KCNIP4: variants seen among roughly 807,000 people sequenced by gnomAD.
KCNIP4 encodes potassium voltage-gated channel interacting protein 4.
Under a neutral mutation model 34.0 loss-of-function variants are expected in KCNIP4, and 12 were observed. That is an observed-to-expected ratio of 0.35 (90% CI 0.23 to 0.57). KCNIP4 has a LOEUF of 0.57. KCNIP4 is among the 20% of genes least tolerant of loss of function. KCNIP4 has a pLI of 0.83. For missense variants in KCNIP4, 238 were observed against 311.7 expected (o/e 0.76, Z 1.78); for synonymous variants, 124 against 102.2 (o/e 1.21, Z -1.29).
chr4:21,207,755 G>A (rs1446301408), intron 1 of KCNIP4, among the ~76,000 whole-genome samples: 1 of 151,426 alleles, frequency 6.6e-6, no homozygotes, highest in Non-Finnish European at 1.5e-5. Context: ...TTCAGACTAA[G>A]AGCCTATTTT....
intron 3 of KCNIP4, among the ~76,000 whole-genome samples, chr4:20,759,456 C>T (rs1420743207): frequency 2.0e-5 from 3 of 152,082 alleles, no homozygotes; most frequent in South Asian, 2.1e-4. Flanking sequence ...TTTGAACTTC[C>T]GGAAAGGAGA....
At chr4:21,458,713 C>G (rs1031539665) in intron 1 of KCNIP4, among the ~76,000 whole-genome samples, 4 of 152,208 alleles carry the variant, frequency 2.6e-5, no homozygotes, top group African/African-American at 9.6e-5. Context: ...TTTCATTCCC[C>G]TATTCTCACA....
At position 20,882,667 on chromosome 4, in the gene KCNIP4, T is replaced by C; in HGVS notation, c.104A>G (p.Glu35Gly). The change falls in exon 2 of 9, where the codon GAG becomes GGG. Residue 35 changes from glutamate to glycine, a missense_variant. Coordinates refer to ENST00000382152, the MANE Select transcript of KCNIP4 (RefSeq NM_025221.6). ...GCAGGGCAAGAGCTTCATGAGCCGC[T>C]CTTTAATGCTGCGCTTGGTGCTGTT... ...AQNSTKRSIK[E>G]RLMKLLPCSA... 1 of 1,613,644 alleles carries C rather than the reference T, an allele frequency of 6.2e-7. No homozygotes were observed. Among genetic ancestry groups the C allele is most frequent in the Non-Finnish European group, 8.5e-7 (1 of 1,179,858 alleles).
At chr4:21,898,604 A>G (rs890250625) in intron 1 of KCNIP4, among the ~76,000 whole-genome samples, 1 of 152,152 alleles carries the variant, frequency 6.6e-6, no homozygotes, top group Non-Finnish European at 1.5e-5. Context: ...CTGCTGACTA[A>G]TAAGCACCTG....
chr4:21,406,241 G>A (rs1332998858), intron 1 of KCNIP4, among the ~76,000 whole-genome samples: 4 of 152,160 alleles, frequency 2.6e-5, no homozygotes, highest in Non-Finnish European at 5.9e-5. Flanking sequence ...TGAGGAAAGG[G>A]AAACTTACTG....
At chr4:21,944,691 A>G (rs1461569841) in intron 1 of KCNIP4, among the ~76,000 whole-genome samples, 1 of 152,312 alleles carries the variant, frequency 6.6e-6, no homozygotes, top group East Asian at 1.9e-4. Context: ...TTCATGCTCA[A>G]TACTGGGGAT....
At chr4:20,872,844 T>G (rs528337145) in intron 2 of KCNIP4, among the ~76,000 whole-genome samples, 1 of 152,184 alleles carries the variant, frequency 6.6e-6, no homozygotes, top group South Asian at 2.1e-4. Flanking sequence ...AAACAAAAGA[T>G]GCACTAATCA....
chr4:20,774,031 A>T (rs1756147237), intron 3 of KCNIP4, among the ~76,000 whole-genome samples: 1 of 152,090 alleles, frequency 6.6e-6, no homozygotes, highest in South Asian at 2.1e-4. Context: ...GCTGTTTAAC[A>T]GGGGAACATT....
chr4:21,598,491 A>G (rs1244003280), intron 1 of KCNIP4, among the ~76,000 whole-genome samples: 1 of 152,102 alleles, frequency 6.6e-6, no homozygotes. Context: ...TTGTGTGCCA[A>G]TAAAACTTTA....
chr4:20,803,299 A>G (rs1165251462), intron 3 of KCNIP4, among the ~76,000 whole-genome samples: 1 of 151,592 alleles, frequency 6.6e-6, no homozygotes, highest in Non-Finnish European at 1.5e-5. Flanking sequence ...GAAAGGAATA[A>G]TAAAAATCAG....
intron 1 of KCNIP4, among the ~76,000 whole-genome samples, chr4:21,786,631 G>C (rs1243063960): frequency 6.8e-6 from 1 of 148,004 alleles, no homozygotes; most frequent in African/African-American, 2.5e-5. Context: ...GCAGTGGCCT[G>C]ATCTCCTCTC....
chr4:21,509,073 G>C (rs1398818594), intron 1 of KCNIP4, among the ~76,000 whole-genome samples: 2 of 152,102 alleles, frequency 1.3e-5, no homozygotes, highest in Non-Finnish European at 2.9e-5. Flanking sequence ...AGTTGAGCTA[G>C]CAAAGCTCAT....
rs938941972 is a variant in KCNIP4 at position 21,246,178 on chromosome 4, G to A, written c.62-363469C>T. ...GAGTAGTCTGTCACCCAGAAATGTG[G>A]AGGCCAACAGAGCACCAGCCCAGGA... On this transcript the variant is annotated intron_variant, in intron 1 of 8. Transcript: ENST00000382152. Among the ~76,000 whole-genome samples the A allele has an allele frequency of 2.0e-5, 3 of 151,026 alleles. No homozygotes were observed. The South Asian group carries it at 6.3e-4, about 32-fold the overall frequency.
intron 1 of KCNIP4, among the ~76,000 whole-genome samples, chr4:21,770,014 A>T (rs938749464): frequency 1.3e-5 from 2 of 152,148 alleles, no homozygotes; most frequent in Non-Finnish European, 2.9e-5. Context: ...TCTTCTAAAA[A>T]AAAAGAAAGA....
chr4:20,889,318 T>G (rs1159294411), intron 1 of KCNIP4, among the ~76,000 whole-genome samples: 2 of 152,198 alleles, frequency 1.3e-5, no homozygotes, highest in Admixed American at 6.5e-5. Flanking sequence ...AACAAGGGAC[T>G]ATAATTCTTG....
At chr4:21,011,817 C>A (rs1456431864) in intron 1 of KCNIP4, among the ~76,000 whole-genome samples, 1 of 152,142 alleles carries the variant, frequency 6.6e-6, no homozygotes, top group Non-Finnish European at 1.5e-5. Flanking sequence ...CTTACACTAT[C>A]CCCAGGTTCA....
chr4:21,843,987 A>C (rs1166286461), intron 1 of KCNIP4: 2 of 152,184 alleles, frequency 1.3e-5, no homozygotes, highest in East Asian at 3.9e-4. Flanking sequence ...ATTGCCCCTA[A>C]GCATAGTAAC....
chr4:20,941,069 G>T (rs1281962887), intron 1 of KCNIP4, among the ~76,000 whole-genome samples: 1 of 152,096 alleles, frequency 6.6e-6, no homozygotes, highest in African/African-American at 2.4e-5. Context: ...TAAAATACCT[G>T]GCACAATAAT....
chr4:21,564,097 C>T (rs1202309105), intron 1 of KCNIP4, among the ~76,000 whole-genome samples: 2 of 152,114 alleles, frequency 1.3e-5, no homozygotes, highest in Admixed American at 1.3e-4. Flanking sequence ...GAAATTACAA[C>T]AAAAATTACT....
Sources: gnomAD v4.1 joint callset for allele counts (sites outside exome capture counted in the v4.1 genomes callset) on GRCh38, gnomAD v4.1.1 for gene constraint, MANE v1.5 for transcripts, NCBI Gene and HGNC (gene_info 2026-07-23, HGNC 2026-07-21) for gene names.